The following YES1 variants were observed in gnomAD, a reference collection of about 807,000 sequenced individuals.
YES1 encodes the protein tyrosine-protein kinase Yes.
A neutral mutation model predicts 70.4 loss-of-function variants in YES1; 39 were observed. The observed-to-expected ratio is 0.55, with a 90% confidence interval of 0.43 to 0.72. The LOEUF is 0.72. YES1 is among the 30% of genes least tolerant of loss of function. The pLI is 0.00. For synonymous variants in YES1, 198 were observed against 218.6 expected, an observed-to-expected ratio of 0.91 and a Z score of 0.83; for missense variants, 495 against 644.8, an observed-to-expected ratio of 0.77 and a Z score of 2.52.
chr18:739,497 G>A (rs1422140638), intron 9 of YES1: 1 of 347,234 alleles, frequency 2.9e-6, no homozygotes, highest in African/African-American at 2.1e-5. Flanking sequence ...TAGCTACCCA[G>A]GAGGCTGAGG....
At chr18:812,476 C>G (rs1247734961), upstream of YES1, 1 of 152,268 alleles carries the variant, frequency 6.6e-6, no homozygotes, top group African/African-American at 2.4e-5. Context: ...CCCGTCAGGT[C>G]CCCTCCGCGG....
At chr18:725,889 G>T (rs972014323) in intron 11 of YES1, among the ~76,000 whole-genome samples, 3 of 151,854 alleles carry the variant, frequency 2.0e-5, no homozygotes, top group Admixed American at 6.6e-5. Context: ...ATCTCGCGGG[G>T]TGGGGAAGTG....
At chr18:733,710 G>A (rs1568185504) in intron 10 of YES1, among the ~76,000 whole-genome samples, 2 of 140,646 alleles carry the variant, frequency 1.4e-5, no homozygotes, top group Non-Finnish European at 3.0e-5. Context: ...GTGAACCCAG[G>A]AGGCGGAGCT....
intron 1 of YES1, among the ~76,000 whole-genome samples, chr18:758,531 C>T (rs1193998542): frequency 1.3e-5 from 2 of 152,148 alleles, no homozygotes; most frequent in Non-Finnish European, 2.9e-5. Context: ...CTTTTTCCCC[C>T]TTCTAAAATT....
chr18:772,323 C>T (rs1348408226), intron 1 of YES1, among the ~76,000 whole-genome samples: 1 of 152,102 alleles, frequency 6.6e-6, no homozygotes, highest in African/African-American at 2.4e-5. Flanking sequence ...GCCACCGCAC[C>T]CGGCCTGCAT....
chr18:760,457 G>A (rs1201244344), intron 1 of YES1, among the ~76,000 whole-genome samples: 1 of 152,058 alleles, frequency 6.6e-6, no homozygotes, highest in Admixed American at 6.6e-5. Context: ...GTGAAAGAGT[G>A]AGATTCTGTC....
At chr18:781,627 T>C (rs1598931690) in intron 1 of YES1, among the ~76,000 whole-genome samples, 1 of 152,238 alleles carries the variant, frequency 6.6e-6, no homozygotes, top group South Asian at 2.1e-4. Flanking sequence ...TCATAGCTGA[T>C]GCCCAATGAA....
At position 721,621 on chromosome 18, in the gene YES1, T is replaced by C. The variant is rs543976964; in HGVS notation, c.*2803A>G. 2.0e-5 allele frequency: 3 copies of C among 152,134 alleles called. No individual in the cohort carries two copies. Among genetic ancestry groups the C allele is most frequent in the African/African-American group, 7.2e-5 (3 of 41,502 alleles). 9.4% of individuals were successfully genotyped at this position (152,134 alleles called of 1,614,324 possible). ...ATAATGTTCTGAATTTAATAAAGGA[T>C]TGATTAAATTCTGCTCAGTAGTTAC... On this transcript the variant is annotated 3_prime_UTR_variant, in exon 12 of 12. Coordinates refer to ENST00000314574, the MANE Select transcript of YES1 (RefSeq NM_005433.4).
At chr18:729,543 A>G (rs2080062296) in intron 11 of YES1, among the ~76,000 whole-genome samples, 1 of 149,848 alleles carries the variant, frequency 6.7e-6, no homozygotes, top group African/African-American at 2.5e-5. Flanking sequence ...TTAACATTCC[A>G]TATATTGCTA....
At chr18:797,921 T>C (rs913788739) in intron 1 of YES1, 3 of 152,166 alleles carry the variant, frequency 2.0e-5, no homozygotes, top group Non-Finnish European at 2.9e-5. Flanking sequence ...CATGCCTCTA[T>C]TTTCTTATTA....
chr18:804,609 CAAAAAAA>C (rs57896154), intron 1 of YES1, among the ~76,000 whole-genome samples: 25 of 38,790 alleles, frequency 6.4e-4, no homozygotes, highest in Admixed American at 4.3e-3. Context: ...GACTGAGTCT[CAAAAAAA>C]AAAAAAAAAA....
intron 1 of YES1, among the ~76,000 whole-genome samples, chr18:811,574 C>T (rs112328437): frequency 0.058 from 8,854 of 152,186 alleles, 358 homozygotes; most frequent in East Asian, 0.12. Flanking sequence ...CAACCCCCAA[C>T]CCAAAACAAA....
intron 1 of YES1, among the ~76,000 whole-genome samples, chr18:786,295 T>C (rs1329925427): frequency 2.0e-5 from 3 of 151,966 alleles, no homozygotes; most frequent in African/African-American, 7.3e-5. Context: ...TTTGTCACAA[T>C]ATCAAACATG....
rs532604207 is a variant in YES1 at position 753,535 on chromosome 18, A to G, written c.272-1731T>C. Among the ~76,000 whole-genome samples the G allele has an allele frequency of 2.1e-4, 32 of 152,228 alleles. 1 individual carries two copies. The highest frequency in any genetic ancestry group is 1.0e-3 in the South Asian group (5 of 4,820). ...GGAGTCTTGCTCTGTTGCCCAGGCT[A>G]GAGTGCAGTGGTACGATCTGGGCTC... On this transcript the variant is annotated intron_variant, in intron 2 of 11. Transcript: ENST00000314574.
chr18:756,484 G>C, intron 2 of YES1, 73 bp downstream of exon 2: 4 of 1,534,064 alleles, frequency 2.6e-6, no homozygotes, highest in Non-Finnish European at 3.5e-6. Context: ...CTTAAAGGCA[G>C]ACAAGCCTTA....
At chr18:808,185 AG>A (rs1381424316) in intron 1 of YES1, among the ~76,000 whole-genome samples, 13 of 152,330 alleles carry the variant, frequency 8.5e-5, no homozygotes, top group Admixed American at 7.8e-4. Flanking sequence ...CCAAGACAAC[AG>A]TAGTGCTGCT....
chr18:762,714 T>G lies in YES1; in HGVS notation c.-8-5879A>C, dbSNP rs190139464. On this transcript the variant is annotated intron_variant, in intron 1 of 11. Transcript: ENST00000314574. ...ACCTCAGAATTCACCACTACATAAT[T>G]CATCCATTTAACCGAACACCACTTG... is the stretch of plus-strand genomic sequence containing the variant. 2.1e-3 allele frequency among the ~76,000 whole-genome samples: 316 copies of G among 152,192 alleles called. 1 individual carries two copies. Among genetic ancestry groups the G allele is most frequent in the African/African-American group, 6.8e-3 (281 of 41,524 alleles).
At chr18:794,709 G>A (rs1011554228) in intron 1 of YES1, among the ~76,000 whole-genome samples, 4 of 152,266 alleles carry the variant, frequency 2.6e-5, no homozygotes, top group Admixed American at 6.5e-5. Flanking sequence ...ATGGTAGCTG[G>A]CAATCCTTCG....
chr18:809,032 G>A (rs758374764), intron 1 of YES1, among the ~76,000 whole-genome samples: 3 of 152,210 alleles, frequency 2.0e-5, no homozygotes, highest in Non-Finnish European at 2.9e-5. Context: ...TCTTGATGCC[G>A]TAATTGAGTT....
Sources: allele counts gnomAD v4.1 joint callset (sites outside exome capture counted in the v4.1 genomes callset), GRCh38; gene constraint gnomAD v4.1.1; transcripts MANE v1.5; gene names NCBI Gene and HGNC (gene_info 2026-07-23, HGNC 2026-07-21).